Variants in KLF8 observed in about 807,000 individuals in gnomAD.
KLF8 encodes the protein Krueppel-like factor 8.
Under a neutral mutation model 18.2 loss-of-function variants are expected in KLF8, and 10 were observed. The observed-to-expected ratio is 0.55, with a 90% CI of 0.34 to 0.93. KLF8 has a LOEUF of 0.93. Among genes scored for constraint, KLF8 ranks in the 40% least tolerant of loss-of-function variants. KLF8 has a pLI of 0.02. For synonymous variants in KLF8, 109 were observed against 97.3 expected (o/e 1.12, Z -0.71); for missense variants, 264 against 277.9 (o/e 0.95, Z 0.36).
At chrX:55,922,364 G>A in the KLF8 span, among the ~76,000 whole-genome samples, 4 of 112,316 alleles carry the variant, frequency 3.6e-5, no homozygotes, top group Admixed American at 9.4e-5. Flanking sequence ...ACACAGGAAC[G>A]GAAAACCAAA....
the KLF8 span, among the ~76,000 whole-genome samples, chrX:56,118,874 T>TA: frequency 1.2e-3 from 135 of 111,908 alleles, no homozygotes; most frequent in African/African-American, 4.3e-3. Context: ...TATATATTCA[T>TA]TTGTTGTATA....
the KLF8 span, among the ~76,000 whole-genome samples, chrX:56,198,750 A>G: frequency 8.9e-6 from 1 of 112,175 alleles, no homozygotes; most frequent in Non-Finnish European, 1.9e-5. Flanking sequence ...TTTGAAGTCC[A>G]TATGAAATGA....
the KLF8 span, among the ~76,000 whole-genome samples, chrX:55,934,824 T>G: frequency 1.8e-5 from 2 of 112,200 alleles, no homozygotes; most frequent in African/African-American, 6.5e-5. Context: ...TTCTCCCCCT[T>G]GGTGGGGAAT....
At chrX:56,236,849 T>TGTGTGTGTGG (rs1491347452) in intron 1 of KLF8, among the ~76,000 whole-genome samples, 1 of 68,088 alleles carries the variant, frequency 1.5e-5, no homozygotes, top group Non-Finnish European at 2.3e-5. Context: ...TGAGTATGTT[T>TGTGTGTGTGG]GTGTGTGTGT....
chrX:56,126,784 G>A, the KLF8 span, among the ~76,000 whole-genome samples: 3 of 87,522 alleles, frequency 3.4e-5, no homozygotes, highest in Admixed American at 3.1e-4. Context: ...ACGAAGTCTC[G>A]CTCTTGTACC....
At chrX:56,187,942 C>A in the KLF8 span, among the ~76,000 whole-genome samples, 1 of 111,966 alleles carries the variant, frequency 8.9e-6, no homozygotes, top group Non-Finnish European at 1.9e-5. Flanking sequence ...AAACTGGAAA[C>A]ATTCCCTTTG....
chrX:56,069,810 G>A, the KLF8 span, among the ~76,000 whole-genome samples: 4 of 111,852 alleles, frequency 3.6e-5, no homozygotes, highest in Admixed American at 1.9e-4. Flanking sequence ...TTCCTGCCCA[G>A]CGGTCCTGCC....
the KLF8 span, among the ~76,000 whole-genome samples, chrX:55,932,736 C>T: frequency 8.9e-5 from 10 of 111,930 alleles, no homozygotes; most frequent in Middle Eastern, 4.6e-3. Context: ...CAGAGAGATC[C>T]GCTGTTAGTC....
the KLF8 span, among the ~76,000 whole-genome samples, chrX:56,199,727 T>C: frequency 4.5e-5 from 5 of 111,707 alleles, no homozygotes; most frequent in Admixed American, 1.9e-4. Flanking sequence ...AATTCCTTTA[T>C]TTGATATATA....
At chrX:56,060,688 T>G in the KLF8 span, among the ~76,000 whole-genome samples, 1 of 111,969 alleles carries the variant, frequency 8.9e-6, no homozygotes, top group Admixed American at 9.5e-5. Context: ...GGTTTTGGTA[T>G]CAGGATGATG....
chrX:55,985,674 A>C, the KLF8 span, among the ~76,000 whole-genome samples: 1 of 109,835 alleles, frequency 9.1e-6, no homozygotes, highest in African/African-American at 3.3e-5. Flanking sequence ...AAAAATGTCA[A>C]TGGTAGTATA....
At chrX:56,029,203 C>A in the KLF8 span, among the ~76,000 whole-genome samples, 2 of 110,481 alleles carry the variant, frequency 1.8e-5, no homozygotes, top group African/African-American at 3.3e-5. Flanking sequence ...TATCTCCTGA[C>A]CTGGCTCGGT....
chrX:55,950,114 T>C, the KLF8 span, among the ~76,000 whole-genome samples: 1 of 111,543 alleles, frequency 9.0e-6, no homozygotes, highest in Admixed American at 9.6e-5. Flanking sequence ...GTATTTTGGC[T>C]CTTTATGAAT....
chrX:56,185,729 T>G, the KLF8 span, among the ~76,000 whole-genome samples: 1 of 111,818 alleles, frequency 8.9e-6, no homozygotes, highest in Non-Finnish European at 1.9e-5. Context: ...TCAACATTCT[T>G]AAAGAAAAGA....
the KLF8 span, among the ~76,000 whole-genome samples, chrX:55,972,275 G>A: frequency 7.2e-5 from 8 of 111,310 alleles, no homozygotes; most frequent in African/African-American, 2.6e-4. Flanking sequence ...AGTGAAATAA[G>A]CCAGGCATGA....
rs957848064 is a variant in KLF8, at chrX:56,285,603, A to C, written c.*1109A>C. 3.6e-5 allele frequency: 4 copies of C among 112,262 alleles called. No homozygotes were observed. Among genetic ancestry groups the C allele is most frequent in the African/African-American group, 1.3e-4 (4 of 30,920 alleles). The allele number at this position is 112,262 out of a possible 1,213,427, so 9.3% of individuals were successfully genotyped here. ...TCACTCCATGGAATTATTGGCATTC[A>C]TTCCTGTGTTTCAAATGAAACATAG... On this transcript the variant is annotated 3_prime_UTR_variant, in exon 6 of 6. Coordinates refer to ENST00000468660, the MANE Select transcript of KLF8 (RefSeq NM_007250.5).
the KLF8 span, among the ~76,000 whole-genome samples, chrX:56,173,543 G>T: frequency 8.9e-6 from 1 of 111,905 alleles, no homozygotes; most frequent in Admixed American, 9.5e-5. Flanking sequence ...GATGCCTCCA[G>T]CTTTGTTCTT....
rs768438578 is a variant in KLF8, at chrX:56,284,743, C to CA, written c.*250dup. The CA allele has an allele frequency of 3.6e-6, 1 of 278,683 alleles. No individual in the cohort carries two copies. The highest frequency in any genetic ancestry group is 6.4e-5 in the Admixed American group (1 of 15,741). 23.0% of individuals were successfully genotyped at this position (278,683 alleles called of 1,213,427 possible). A position where few individuals can be genotyped will look rare whatever the true frequency, so the allele number is the denominator to read the frequency against. On this transcript the variant is annotated 3_prime_UTR_variant, in exon 6 of 6. Coordinates refer to ENST00000468660, the MANE Select transcript of KLF8 (RefSeq NM_007250.5). ...ATGGGTTGAATTCCAGTGTGGCACC[C>CA]ATGGCTGCCTTCCCATCCCCCCCTG...
chrX:56,031,154 T>C, the KLF8 span, among the ~76,000 whole-genome samples: 1 of 111,441 alleles, frequency 9.0e-6, no homozygotes, highest in Non-Finnish European at 1.9e-5. Flanking sequence ...TAGTTCCCAA[T>C]GGGGTGGGCT....
Sources: allele counts gnomAD v4.1 joint callset (sites outside exome capture counted in the v4.1 genomes callset), GRCh38; gene constraint gnomAD v4.1.1; transcripts MANE v1.5; gene names NCBI Gene and HGNC (gene_info 2026-07-23, HGNC 2026-07-21).